ZBTB49: variants seen among roughly 807,000 people sequenced by gnomAD.
ZBTB49 encodes the protein zinc finger and BTB domain containing 49.
A neutral mutation model predicts 57.5 loss-of-function variants in ZBTB49; 43 were observed. That is an observed-to-expected ratio of 0.75 (90% CI 0.59 to 0.97). ZBTB49 has a LOEUF of 0.97. Among genes scored for constraint, ZBTB49 ranks in the 50% least tolerant of loss-of-function variants. ZBTB49 has a pLI of 0.00. For synonymous variants in ZBTB49, 369 were observed against 362.1 expected (o/e 1.02, Z -0.22); for missense variants, 938 against 947.7 (o/e 0.99, Z 0.13).
intron 4 of ZBTB49, among the ~76,000 whole-genome samples, chr4:4,306,448 C>G (rs988149341): frequency 2.6e-5 from 4 of 152,176 alleles, no homozygotes; most frequent in African/African-American, 9.7e-5. Flanking sequence ...ATATGTCTTC[C>G]GTTTCATGAA....
intron 3 of ZBTB49, among the ~76,000 whole-genome samples, chr4:4,305,413 G>A (rs769183256): frequency 5.3e-5 from 8 of 152,090 alleles, no homozygotes; most frequent in Non-Finnish European, 8.8e-5. Flanking sequence ...ATTCATTAGC[G>A]TTATATAGAT....
chr4:4,302,880 TAGC>T lies in ZBTB49; in HGVS notation c.1048_1050del (p.Ser350del), dbSNP rs975143880. ...CTAGTAAAAATACCCTAGAGAAAGC[TAGC>T]AGCCAAAGTGCTGAAGAAAAAGAAA... On this transcript the variant is annotated inframe_deletion, in exon 3 of 8. Coordinates refer to ENST00000337872, the MANE Select transcript of ZBTB49 (RefSeq NM_145291.4). The T allele has an allele frequency of 1.9e-6, 3 of 1,613,774 alleles. No homozygotes were observed. Among genetic ancestry groups the T allele is most frequent in the African/African-American group, 1.3e-5 (1 of 74,840 alleles).
intron 4 of ZBTB49, among the ~76,000 whole-genome samples, chr4:4,308,104 G>A (rs1290239091): frequency 6.6e-6 from 1 of 152,156 alleles, no homozygotes; most frequent in Non-Finnish European, 1.5e-5. Context: ...TTTTGATGGA[G>A]CATCGCTCTG....
intron 7 of ZBTB49, among the ~76,000 whole-genome samples, chr4:4,316,871 C>T (rs553946861): frequency 2.6e-5 from 4 of 152,346 alleles, no homozygotes; most frequent in Non-Finnish European, 5.9e-5. Context: ...AGTTTCATCA[C>T]TTTAAATCAC....
At chr4:4,316,415 G>T (rs1234197692) in intron 7 of ZBTB49, among the ~76,000 whole-genome samples, 1 of 152,206 alleles carries the variant, frequency 6.6e-6, no homozygotes, top group Non-Finnish European at 1.5e-5. Context: ...CTTCGTTTGA[G>T]AGCGGAAAGC....
At chr4:4,320,198 A>G (rs952628296) in intron 7 of ZBTB49, among the ~76,000 whole-genome samples, 1 of 152,230 alleles carries the variant, frequency 6.6e-6, no homozygotes, top group Non-Finnish European at 1.5e-5. Flanking sequence ...GCAGGTGCCT[A>G]CGGCACCCAT....
At chr4:4,295,634 C>T (rs1167115736) in intron 1 of ZBTB49, among the ~76,000 whole-genome samples, 1 of 152,246 alleles carries the variant, frequency 6.6e-6, no homozygotes, top group African/African-American at 2.4e-5. Context: ...GGATTCAGCA[C>T]TGGGAACAGT....
Position 4,306,703 on chromosome 4 carries a change from G to A in ZBTB49, c.1302+519G>A, listed in dbSNP as rs141459415. 3.9e-3 allele frequency among the ~76,000 whole-genome samples: 595 copies of A among 152,298 alleles called. 3 individuals are homozygous for A. The highest frequency in any genetic ancestry group is 5.9e-3 in the Non-Finnish European group (401 of 68,026). The stretch of plus-strand genomic sequence containing the variant: ...AAACGTTTGTTTTACCCTCCCATGG[G>A]CCAGGTGCTGTGCTGGGCATGGGAC... On this transcript the variant is annotated intron_variant, in intron 4 of 7. Coordinates refer to ENST00000337872, the MANE Select transcript of ZBTB49 (RefSeq NM_145291.4).
In ZBTB49 at chr4:4,300,048, T is replaced by C; in HGVS notation, c.103T>C (p.Cys35Arg). 1.2e-6 allele frequency: 2 copies of C among 1,614,236 alleles called. No individual in the cohort carries two copies. Among genetic ancestry groups the C allele is most frequent in the Non-Finnish European group, 1.7e-6 (2 of 1,180,040 alleles). Residue 35 changes from cysteine to arginine, a missense_variant, in exon 2 of 8, where the codon TGC becomes CGC. By Grantham distance (180) the Cys-to-Arg change is radical. This residue lies in a region of ZBTB49 where 100 missense variants were observed against 112.5 expected (regional missense o/e 0.89). Coordinates refer to ENST00000337872, the MANE Select transcript of ZBTB49 (RefSeq NM_145291.4). ...CTGTATGTTGGTGGTAAAAGGAGTC[T>C]GCTTTAAAGCGCATAAGAATGTCCT... is the stretch of plus-strand genomic sequence containing the variant. ...CDCMLVVKGV[C>R]FKAHKNVLAA...
At position 4,317,163 on chromosome 4, in the gene ZBTB49, CA is replaced by C. The variant is rs1721225379; in HGVS notation, c.1621+1194del. Among the ~76,000 whole-genome samples, 3 of 151,352 alleles carry C rather than the reference CA, an allele frequency of 2.0e-5. No homozygotes were observed. The South Asian group carries it at 6.3e-4, about 32-fold the overall frequency. On this transcript the variant is annotated intron_variant, in intron 7 of 7. Transcript: ENST00000337872. ...AGGACTTGCTGCTGCTCAGACCCTG[CA>C]GTGGAGGAAGTGGGGCCTTCCGTCC...
intron 1 of ZBTB49, among the ~76,000 whole-genome samples, chr4:4,297,686 A>T (rs1191462139): frequency 1.3e-5 from 2 of 151,598 alleles, no homozygotes; most frequent in Non-Finnish European, 2.9e-5. Context: ...TGGTGGGAGG[A>T]TCACCTGAGC....
intron 3 of ZBTB49, among the ~76,000 whole-genome samples, chr4:4,303,832 T>C (rs1277315442): frequency 6.6e-6 from 1 of 151,690 alleles, no homozygotes; most frequent in Non-Finnish European, 1.5e-5. Flanking sequence ...AATACATATA[T>C]ATTACTTTTC....
intron 5 of ZBTB49, among the ~76,000 whole-genome samples, chr4:4,314,128 A>G (rs571735661): frequency 1.3e-5 from 2 of 152,236 alleles, no homozygotes; most frequent in Non-Finnish European, 2.9e-5. Flanking sequence ...TGCCAATGGT[A>G]GAAAACAAAC....
chr4:4,302,035 T>A lies in ZBTB49; in HGVS notation c.199T>A (p.Leu67Met). ...SSSQKNDVFH[L>M]DVKNVSGIGQ... ...AAGCCAGAAGAATGATGTTTTTCAC[T>A]TGGATGTTAAAAATGTCAGTGGCAT... The change falls in exon 3 of 8, where the codon TTG (leucine) becomes ATG (methionine). Residue 67 changes from leucine (L) to methionine (M), a missense_variant. Transcript: ENST00000337872. 1 of 1,593,076 alleles carries A rather than the reference T, an allele frequency of 6.3e-7. No homozygotes were observed. The highest frequency in any genetic ancestry group is 8.6e-7 in the Non-Finnish European group (1 of 1,168,080).
chr4:4,314,841 ATC>A (rs986434778), intron 5 of ZBTB49, among the ~76,000 whole-genome samples: 26 of 152,232 alleles, frequency 1.7e-4, no homozygotes, highest in African/African-American at 6.3e-4. Flanking sequence ...TGGTTTTCCC[ATC>A]TGGAAAGTGG....
At chr4:4,316,419 G>A (rs574285950) in intron 7 of ZBTB49, among the ~76,000 whole-genome samples, 2 of 152,320 alleles carry the variant, frequency 1.3e-5, no homozygotes, top group East Asian at 1.9e-4. Context: ...GTTTGAGAGC[G>A]GAAAGCTGGC....
At chr4:4,299,798 T>G in intron 1 of ZBTB49, 129 bp from the exon 2 acceptor site, 1 of 722,178 alleles carries the variant, frequency 1.4e-6, no homozygotes, top group Non-Finnish European at 2.3e-6. Context: ...TGTGTGTGTG[T>G]GTGTGTGTGT....
Position 4,303,081 on chromosome 4 carries a change from G to T in ZBTB49, c.1245G>T (p.Arg415=). The part of the protein sequence containing the change: ...KHPSNLELHK[R]SHTGEKPFEC... Reference sequence around the variant, plus strand: ...CAAGCAACTTGGAGCTTCACAAACGGTCTCATACAGGTAACTGATTCAGTA... The same window carrying T: ...CAAGCAACTTGGAGCTTCACAAACGTTCTCATACAGGTAACTGATTCAGTA... The change falls in exon 3 of 8, where the codon CGG becomes CGT. Residue 415 remains arginine (R), a synonymous_variant. Transcript: ENST00000337872. The T allele has an allele frequency of 6.2e-7, 1 of 1,602,958 alleles. No homozygotes were observed. Among genetic ancestry groups the T allele is most frequent in the Non-Finnish European group, 8.5e-7 (1 of 1,173,542 alleles).
intron 7 of ZBTB49, among the ~76,000 whole-genome samples, chr4:4,316,976 T>A (rs1721218267): frequency 6.6e-6 from 1 of 152,240 alleles, no homozygotes; most frequent in African/African-American, 2.4e-5. Context: ...AGGCCGAGGC[T>A]GCAGTGAGCC....
Sources: gnomAD v4.1 joint callset for allele counts (sites outside exome capture counted in the v4.1 genomes callset) on GRCh38, gnomAD v4.1.1 for gene constraint, gnomAD v4.1.1 regional missense constraint, MANE v1.5 for transcripts, NCBI Gene and HGNC (gene_info 2026-07-23, HGNC 2026-07-21) for gene names.